Variants in TATDN3 observed in about 807,000 individuals in gnomAD.
TATDN3 encodes TatD DNase domain containing 3, also known as deoxyribonuclease TATDN3.
Under a neutral mutation model 40.1 loss-of-function variants are expected in TATDN3, and 29 were observed. The observed-to-expected ratio is 0.72, with a 90% confidence interval of 0.54 to 0.99. The LOEUF (loss-of-function observed/expected upper bound fraction) is 0.99. Ranked by LOEUF, TATDN3 falls within the 50% of genes least tolerant of loss-of-function variation. The pLI is 0.00. For synonymous variants in TATDN3, 105 were observed against 117.0 expected (o/e 0.90, Z 0.66); for missense variants, 309 against 321.9 (o/e 0.96, Z 0.31).
At chr1:212,798,915 A>C (rs918603144) in intron 4 of TATDN3, among the ~76,000 whole-genome samples, 1 of 152,246 alleles carries the variant, frequency 6.6e-6, no homozygotes, top group Admixed American at 6.5e-5. Flanking sequence ...GAAGACAGTA[A>C]AACAAGATTA....
chr1:212,798,413 A>G (rs1208400699), intron 4 of TATDN3, among the ~76,000 whole-genome samples: 2 of 151,572 alleles, frequency 1.3e-5, no homozygotes, highest in African/African-American at 2.4e-5. Context: ...AATAAAATTC[A>G]TGACCAGGCA....
At chr1:212,802,968 C>T (rs1462172583) in intron 5 of TATDN3, among the ~76,000 whole-genome samples, 1 of 152,020 alleles carries the variant, frequency 6.6e-6, no homozygotes, top group African/African-American at 2.4e-5. Context: ...CATAGGCCTA[C>T]CTTAATTGGA....
Position 212,815,293 on chromosome 1 carries a change from T to G in TATDN3, c.*137T>G. 9.4e-7 allele frequency: 1 copy of G among 1,059,782 alleles called. No individual in the cohort carries two copies. The highest frequency in any genetic ancestry group is 3.4e-5 in the Admixed American group (1 of 29,206). 65.6% of individuals were successfully genotyped at this position (1,059,782 alleles called of 1,614,324 possible). A position where few individuals can be genotyped will look rare whatever the true frequency, so the allele number is the denominator to read the frequency against. On this transcript the variant is annotated 3_prime_UTR_variant, in exon 10 of 10. Coordinates refer to ENST00000366974, the MANE Select transcript of TATDN3 (RefSeq NM_001042552.3). ...AAGATTGTAATTGTAGAGAAATATT[T>G]CTCTTAGAAATAAAACTGGGCTTGG...
intron 1 of TATDN3, 70 bp downstream of exon 1, chr1:212,792,057 C>A: frequency 6.7e-7 from 1 of 1,502,132 alleles, no homozygotes; most frequent in Non-Finnish European, 9.2e-7. Context: ...GTTATCTTTG[C>A]TCTCCTCCCT....
At chr1:212,808,422 A>G (rs1339814550) in intron 8 of TATDN3, among the ~76,000 whole-genome samples, 2 of 152,162 alleles carry the variant, frequency 1.3e-5, no homozygotes, top group African/African-American at 4.8e-5. Flanking sequence ...GTAAGCAACC[A>G]AAGAAAAAAA....
intron 5 of TATDN3, among the ~76,000 whole-genome samples, chr1:212,803,251 C>T (rs766266283): frequency 2.0e-5 from 3 of 151,182 alleles, no homozygotes; most frequent in Non-Finnish European, 4.4e-5. Context: ...GGCGCAATCT[C>T]GGCTCACTGC....
rs1184702227 is a variant in TATDN3, at chr1:212,804,371, G to A, written c.373G>A (p.Glu125Lys). ...TGCTGGCACTGGTGAACAGAAGGAAGAGCAAAGACAAGTCCTAATCAGACA... is the reference window on the plus strand; with the variant it reads ...TGCTGGCACTGGTGAACAGAAGGAAAAGCAAAGACAAGTCCTAATCAGACA... ...RFAGTGEQKE[E>K]QRQVLIRQIQ... Residue 125 changes from glutamate to lysine, a missense_variant, in exon 6 of 10, where the codon GAG becomes AAG. Coordinates refer to ENST00000366974, the MANE Select transcript of TATDN3 (RefSeq NM_001042552.3). The A allele has an allele frequency of 1.2e-6, 2 of 1,613,972 alleles. No homozygotes were observed. Among genetic ancestry groups the A allele is most frequent in the Non-Finnish European group, 1.7e-6 (2 of 1,179,998 alleles).
At chr1:212,792,632 C>CAAAA (rs752952752) in intron 1 of TATDN3, among the ~76,000 whole-genome samples, 30 of 75,096 alleles carry the variant, frequency 4.0e-4, no homozygotes, top group African/African-American at 1.2e-3. Flanking sequence ...GACCCTGTCT[C>CAAAA]AAAAAAAAAA....
At chr1:212,814,397 A>G (rs1393428595) in intron 9 of TATDN3, among the ~76,000 whole-genome samples, 1 of 152,198 alleles carries the variant, frequency 6.6e-6, no homozygotes, top group Non-Finnish European at 1.5e-5. Context: ...TATTTCATAA[A>G]ATCTAAATGC....
chr1:212,806,957 T>A (rs1340438329), intron 7 of TATDN3, among the ~76,000 whole-genome samples: 1 of 148,124 alleles, frequency 6.8e-6, no homozygotes, highest in Admixed American at 6.9e-5. Flanking sequence ...TTATTTATTT[T>A]TTTTGAGATG....
At chr1:212,801,920 C>G (rs954622781) in intron 4 of TATDN3, among the ~76,000 whole-genome samples, 1 of 152,216 alleles carries the variant, frequency 6.6e-6, no homozygotes, top group Admixed American at 6.5e-5. Context: ...TCCTGTTCCT[C>G]TATCATCTGC....
chr1:212,809,699 GAAA>G (rs1422557810), intron 8 of TATDN3, among the ~76,000 whole-genome samples: 3 of 141,624 alleles, frequency 2.1e-5, no homozygotes, highest in African/African-American at 7.9e-5. Flanking sequence ...AAAAAAAAAA[GAAA>G]AAAGAAAACC....
intron 9 of TATDN3, among the ~76,000 whole-genome samples, chr1:212,812,889 C>T (rs1244648839): frequency 6.6e-6 from 1 of 152,002 alleles, no homozygotes; most frequent in Non-Finnish European, 1.5e-5. Flanking sequence ...CGCCTGTAAT[C>T]GCAGCTACTC....
intron 5 of TATDN3, among the ~76,000 whole-genome samples, chr1:212,803,437 G>A (rs1366064238): frequency 6.6e-6 from 1 of 151,952 alleles, no homozygotes; most frequent in Non-Finnish European, 1.5e-5. Flanking sequence ...ACCCACCTTC[G>A]CCTCCCAAAG....
chr1:212,811,572 G>A (rs1662878551), intron 8 of TATDN3, among the ~76,000 whole-genome samples: 1 of 151,470 alleles, frequency 6.6e-6, no homozygotes, highest in African/African-American at 2.4e-5. Context: ...CCTATCAGTT[G>A]AATAGTAAAA....
intron 4 of TATDN3, among the ~76,000 whole-genome samples, chr1:212,800,488 G>A (rs1039901812): frequency 1.3e-5 from 2 of 150,622 alleles, no homozygotes; most frequent in Non-Finnish European, 2.9e-5. Context: ...GAGGGTATTT[G>A]CTCTCCAGTT....
chr1:212,797,643 A>AT (rs1007741960), intron 4 of TATDN3: 2 of 153,466 alleles, frequency 1.3e-5, no homozygotes, highest in Admixed American at 6.5e-5. Context: ...CTTTTTTCAC[A>AT]TTTTTTTGGT....
At chr1:212,792,485 A>AC (rs1571940120) in intron 1 of TATDN3, among the ~76,000 whole-genome samples, 1 of 149,636 alleles carries the variant, frequency 6.7e-6, no homozygotes, top group Non-Finnish European at 1.5e-5. Context: ...AAAAAAAAAA[A>AC]AAAGCCGGTG....
At chr1:212,810,209 T>C (rs1489044911) in intron 8 of TATDN3, among the ~76,000 whole-genome samples, 1 of 150,954 alleles carries the variant, frequency 6.6e-6, no homozygotes, top group African/African-American at 2.4e-5. Flanking sequence ...ACAAAACATA[T>C]AAAAATTAGC....
Sources: gnomAD v4.1 joint callset for allele counts (sites outside exome capture counted in the v4.1 genomes callset) on GRCh38, gnomAD v4.1.1 for gene constraint, MANE v1.5 for transcripts, NCBI Gene and HGNC (gene_info 2026-07-23, HGNC 2026-07-21) for gene names.